NREP: variants seen among roughly 807,000 people sequenced by gnomAD.
NREP encodes neuronal regeneration related protein.
In NREP, 5 loss-of-function variants were observed where a neutral mutation model predicts 8.6. The ratio of observed to expected loss-of-function variants is 0.58; its 90% CI spans 0.30 to 1.22. The LOEUF is 1.22. Among genes scored for constraint, NREP ranks in the 50% most tolerant of loss-of-function variants. The probability of loss-of-function intolerance (pLI) is 0.07; values close to 1 mark genes in which losing one functional copy is unlikely to be tolerated. For synonymous variants in NREP, 27 were observed against 28.0 expected, an observed-to-expected ratio of 0.96 and a Z score of 0.11; for missense variants, 86 against 82.5, an observed-to-expected ratio of 1.04 and a Z score of -0.17.
intron 2 of NREP, among the ~76,000 whole-genome samples, chr5:111,918,303 T>A (rs575895444): frequency 6.6e-6 from 1 of 152,300 alleles, no homozygotes; most frequent in South Asian, 2.1e-4. Context: ...ATAGATTCAA[T>A]GCTATCCCCA....
chr5:111,958,779 C>G (rs1266872505), intron 2 of NREP, among the ~76,000 whole-genome samples: 1 of 151,862 alleles, frequency 6.6e-6, no homozygotes, highest in African/African-American at 2.4e-5. Flanking sequence ...TGCAAAAACA[C>G]AGACAAGCTG....
At chr5:111,961,196 T>A in intron 2 of NREP, among the ~76,000 whole-genome samples, 1 of 152,214 alleles carries the variant, frequency 6.6e-6, no homozygotes, top group Non-Finnish European at 1.5e-5. Flanking sequence ...GTCAGTCCAC[T>A]GATCCATGAG....
chr5:111,961,810 G>T (rs1041815408), intron 2 of NREP, among the ~76,000 whole-genome samples: 1 of 152,162 alleles, frequency 6.6e-6, no homozygotes, highest in Admixed American at 6.5e-5. Flanking sequence ...ATAAACACAT[G>T]AAGTGACCAT....
chr5:111,757,406 G>GTC, upstream of NREP: 1 of 969,736 alleles, frequency 1.0e-6, no homozygotes, highest in Non-Finnish European at 1.2e-6. Flanking sequence ...GAGTGTGTGT[G>GTC]TCTCTCTCTT....
chr5:111,738,193 T>C (rs1258394533), intron 2 of NREP: 1 of 152,254 alleles, frequency 6.6e-6, no homozygotes, highest in East Asian at 1.9e-4. Flanking sequence ...CTATCTGCAT[T>C]ACAGCATTGT....
At chr5:111,929,417 C>T (rs1581227621) in intron 2 of NREP, among the ~76,000 whole-genome samples, 2 of 152,288 alleles carry the variant, frequency 1.3e-5, no homozygotes, top group East Asian at 3.9e-4. Flanking sequence ...GGTAGGAAGC[C>T]TAAGGGCCTT....
intron 2 of NREP, chr5:111,975,246 A>T: frequency 6.7e-7 from 1 of 1,498,600 alleles, no homozygotes; most frequent in Non-Finnish European, 9.1e-7. Flanking sequence ...AACAAACACG[A>T]GCAAATCAGG....
chr5:111,808,644 A>G (rs1368726355), intron 2 of NREP, among the ~76,000 whole-genome samples: 2 of 152,148 alleles, frequency 1.3e-5, no homozygotes. Context: ...TGCTGGAATC[A>G]TTTCTACTTA....
At chr5:111,969,820 A>T (rs374572769) in intron 2 of NREP, among the ~76,000 whole-genome samples, 1 of 152,174 alleles carries the variant, frequency 6.6e-6, no homozygotes, top group Non-Finnish European at 1.5e-5. Context: ...CTACAGCTTG[A>T]GTATCCCAGA....
intron 2 of NREP, among the ~76,000 whole-genome samples, chr5:111,882,739 G>C (rs1043878280): frequency 2.0e-5 from 3 of 152,086 alleles, no homozygotes; most frequent in African/African-American, 4.8e-5. Context: ...CTTCATAAGT[G>C]AAGGAGAAAT....
intron 3 of NREP, chr5:111,732,660 TAAAAAAAAA>T (rs34367498): frequency 7.6e-6 from 1 of 132,406 alleles, no homozygotes; most frequent in Non-Finnish European, 1.6e-5. Context: ...TCCCAAAATT[TAAAAAAAAA>T]AAAAAAAAAA....
At chr5:111,728,972 G>A (rs1748326900), downstream of NREP, 1 of 152,084 alleles carries the variant, frequency 6.6e-6, no homozygotes, top group Admixed American at 6.5e-5. Context: ...GGGTCTTAAT[G>A]GCAAGGAGTG....
chr5:111,896,576 G>T (rs1191963917), intron 2 of NREP, among the ~76,000 whole-genome samples: 1 of 152,098 alleles, frequency 6.6e-6, no homozygotes, highest in Non-Finnish European at 1.5e-5. Flanking sequence ...CAACACAAGA[G>T]AGGCTACCAA....
intron 3 of NREP, chr5:111,733,136 A>T (rs1327909004): frequency 6.6e-6 from 1 of 152,234 alleles, no homozygotes; most frequent in East Asian, 1.9e-4. Context: ...AAGGTCCCAG[A>T]TAATATACAT....
intron 2 of NREP, among the ~76,000 whole-genome samples, chr5:111,736,595 C>A (rs113729800): frequency 8.9e-4 from 135 of 152,260 alleles, no homozygotes; most frequent in African/African-American, 3.1e-3. Context: ...GCTTGGTATA[C>A]CCCGATCAAT....
chr5:111,914,038 T>C (rs753110578), intron 2 of NREP, among the ~76,000 whole-genome samples: 1 of 152,116 alleles, frequency 6.6e-6, no homozygotes, highest in Non-Finnish European at 1.5e-5. Context: ...GTCAATTTAG[T>C]AGATAAAACT....
rs34082231 is a variant in NREP, at chr5:111,845,277, C to CTT, written c.136-109772_136-109771dup. Among the ~76,000 whole-genome samples, 228 of 148,162 alleles carry CTT rather than the reference C, an allele frequency of 1.5e-3. 3 individuals are homozygous for CTT. Among genetic ancestry groups the CTT allele is most frequent in the Admixed American group, 0.011 (171 of 14,952 alleles). ...GTCCTTTCTACCTCACTCAATGCAT[C>CTT]TTTTTTTTTTTTTAATTTCTGTGCC... On this transcript the variant is annotated intron_variant, in intron 2 of 3. Transcript: ENST00000395634.
chr5:111,808,778 A>G (rs1027176741), intron 2 of NREP, among the ~76,000 whole-genome samples: 2 of 152,082 alleles, frequency 1.3e-5, no homozygotes, highest in Non-Finnish European at 2.9e-5. Context: ...GATAACCTTT[A>G]TTGTCCAGTA....
chr5:111,931,304 G>A (rs567595892), intron 2 of NREP, among the ~76,000 whole-genome samples: 2 of 152,034 alleles, frequency 1.3e-5, no homozygotes, highest in Non-Finnish European at 2.9e-5. Context: ...CAACTGCAGA[G>A]GCTAAGCCAT....
Sources: gnomAD v4.1 joint callset for allele counts (sites outside exome capture counted in the v4.1 genomes callset) on GRCh38, gnomAD v4.1.1 for gene constraint, MANE v1.5 for transcripts, NCBI Gene and HGNC (gene_info 2026-07-23, HGNC 2026-07-21) for gene names.